Variants in AUTS2 observed in about 807,000 individuals in gnomAD.
The protein encoded by AUTS2 is autism susceptibility gene 2 protein.
A neutral mutation model predicts 112.4 loss-of-function variants in AUTS2; 17 were observed. That is an observed-to-expected ratio of 0.15 (90% CI 0.10 to 0.23). The LOEUF (loss-of-function observed/expected upper bound fraction) is 0.23, where lower values mean the gene tolerates loss of function less well. Ranked by LOEUF, AUTS2 falls within the 10% of genes least tolerant of loss-of-function variation. The pLI is 1.00. For synonymous variants in AUTS2, 751 were observed against 702.7 expected, an observed-to-expected ratio of 1.07 and a Z score of -1.09; for missense variants, 1,510 against 1,701.6, an observed-to-expected ratio of 0.89 and a Z score of 1.98.
chr7:70,758,683 T>C (rs1019681918), intron 6 of AUTS2, among the ~76,000 whole-genome samples: 2 of 152,240 alleles, frequency 1.3e-5, no homozygotes, highest in Non-Finnish European at 2.9e-5. Context: ...TACATTCTTA[T>C]GTCTTTCAAA....
intron 5 of AUTS2, among the ~76,000 whole-genome samples, chr7:70,478,998 A>T (rs1339115691): frequency 6.6e-6 from 1 of 152,114 alleles, no homozygotes; most frequent in Non-Finnish European, 1.5e-5. Flanking sequence ...TTGAATTAAG[A>T]TGAAAATGAA....
chr7:69,848,418 C>A (rs552240658), intron 1 of AUTS2, among the ~76,000 whole-genome samples: 28 of 152,284 alleles, frequency 1.8e-4, no homozygotes, highest in Middle Eastern at 3.4e-3. Context: ...ATAAAGCATT[C>A]ATCTGTTTTA....
chr7:69,787,784 G>A (rs932648362), intron 1 of AUTS2, among the ~76,000 whole-genome samples: 6 of 152,036 alleles, frequency 3.9e-5, no homozygotes, highest in African/African-American at 1.4e-4. Flanking sequence ...ATGTTGGCCA[G>A]GGCTGGTCTC....
intron 4 of AUTS2, among the ~76,000 whole-genome samples, chr7:70,246,713 T>C (rs188234516): frequency 2.0e-5 from 3 of 152,156 alleles, no homozygotes; most frequent in Admixed American, 2.0e-4. Context: ...TAGAATCAAC[T>C]CATCAAGTTT....
At chr7:69,689,988 C>T (rs535995897) in intron 1 of AUTS2, among the ~76,000 whole-genome samples, 90 of 152,088 alleles carry the variant, frequency 5.9e-4, no homozygotes, top group Middle Eastern at 3.4e-3. Flanking sequence ...CCACTGCGCC[C>T]GGCCAACTCC....
At chr7:69,832,312 A>G (rs1319565326) in intron 1 of AUTS2, among the ~76,000 whole-genome samples, 1 of 152,190 alleles carries the variant, frequency 6.6e-6, no homozygotes, top group Non-Finnish European at 1.5e-5. Flanking sequence ...GTGATTTTGA[A>G]TATGGGAATG....
chr7:70,165,184 G>T (rs1295377087), intron 4 of AUTS2, among the ~76,000 whole-genome samples: 1 of 152,076 alleles, frequency 6.6e-6, no homozygotes, highest in African/African-American at 2.4e-5. Context: ...AAAAAGAGTG[G>T]AAATAAAAAA....
In AUTS2 at chr7:70,631,135, C is replaced by T. The variant is rs887244250; in HGVS notation, c.691-67434C>T. 2.6e-5 allele frequency among the ~76,000 whole-genome samples: 4 copies of T among 152,186 alleles called. No individual in the cohort carries two copies. The highest frequency in any genetic ancestry group is 5.9e-5 in the Non-Finnish European group (4 of 68,042). On this transcript the variant is annotated intron_variant, in intron 5 of 18. Transcript: ENST00000342771. The surrounding 1 kb of genome is among the most constrained non-coding windows in gnomAD (Gnocchi z 4.5). ...AGCAACCCGCTCTGGCCCCTCGCCG[C>T]GCCATTCCTGATGACAAACTGCCAG...
chr7:70,564,471 G>A (rs1801618961), intron 5 of AUTS2, among the ~76,000 whole-genome samples: 1 of 152,206 alleles, frequency 6.6e-6, no homozygotes, highest in Non-Finnish European at 1.5e-5. Context: ...TTAGATTACA[G>A]GATACATGAT....
intron 6 of AUTS2, among the ~76,000 whole-genome samples, chr7:70,743,324 C>T (rs908464612): frequency 1.3e-5 from 2 of 152,054 alleles, no homozygotes; most frequent in African/African-American, 4.8e-5. Flanking sequence ...CAAAAATTAG[C>T]CGGGCGTGGT....
intron 6 of AUTS2, among the ~76,000 whole-genome samples, chr7:70,718,061 C>T (rs1810475886): frequency 6.6e-6 from 1 of 152,164 alleles, no homozygotes; most frequent in Non-Finnish European, 1.5e-5. Flanking sequence ...CATCACCCAC[C>T]ATTCATTCAC....
At chr7:70,031,760 A>G (rs572603186) in intron 2 of AUTS2, among the ~76,000 whole-genome samples, 20 of 152,276 alleles carry the variant, frequency 1.3e-4, no homozygotes, top group Middle Eastern at 3.4e-3. Context: ...CTGTGTATTC[A>G]TCGAGTGAAA....
intron 2 of AUTS2, among the ~76,000 whole-genome samples, chr7:70,037,336 A>C (rs1178744513): frequency 6.6e-6 from 1 of 152,214 alleles, no homozygotes; most frequent in African/African-American, 2.4e-5. Flanking sequence ...GACTATAGTG[A>C]ATCACAATGT....
At chr7:70,056,888 G>A (rs1019874504) in intron 2 of AUTS2, among the ~76,000 whole-genome samples, 2 of 152,190 alleles carry the variant, frequency 1.3e-5, no homozygotes, top group Admixed American at 6.5e-5. Context: ...GAGAATAGGG[G>A]TTAGGGCTCA....
At chr7:70,007,085 A>T (rs763715279) in intron 2 of AUTS2, among the ~76,000 whole-genome samples, 39 of 152,288 alleles carry the variant, frequency 2.6e-4, no homozygotes, top group African/African-American at 8.9e-4. Context: ...ATTTCTTCCA[A>T]TATTTTTCTT....
At chr7:70,645,986 C>T (rs929395688) in intron 5 of AUTS2, among the ~76,000 whole-genome samples, 2 of 152,150 alleles carry the variant, frequency 1.3e-5, no homozygotes, top group African/African-American at 4.8e-5. Context: ...TGCGTCTAAC[C>T]CATTTCACAC....
chr7:70,000,496 A>G (rs1797821445), intron 2 of AUTS2, among the ~76,000 whole-genome samples: 1 of 152,190 alleles, frequency 6.6e-6, no homozygotes, highest in Admixed American at 6.5e-5. Context: ...ATCCTAGTGA[A>G]AGTTAGAATA....
At chr7:69,791,499 G>A (rs959569014) in intron 1 of AUTS2, among the ~76,000 whole-genome samples, 5 of 152,196 alleles carry the variant, frequency 3.3e-5, no homozygotes, top group African/African-American at 4.8e-5. Flanking sequence ...GTGCAGTCAC[G>A]TCGTTTCATA....
chr7:69,817,527 T>C lies in AUTS2; in HGVS notation c.310-81759T>C, dbSNP rs1417270048. Among the ~76,000 whole-genome samples the C allele has an allele frequency of 2.5e-4, 38 of 152,142 alleles. 1 individual carries two copies. Among genetic ancestry groups the C allele is most frequent in the Admixed American group, 2.5e-3 (38 of 15,264 alleles). ...GAGGACTGTTCAAGACAAAATAGAT[T>C]CCAAGGTTCTGGTGTGCAGTGTTCT... On this transcript the variant is annotated intron_variant, in intron 1 of 18. Coordinates refer to ENST00000342771, the MANE Select transcript of AUTS2 (RefSeq NM_015570.4).
Sources: allele counts gnomAD v4.1 joint callset (sites outside exome capture counted in the v4.1 genomes callset), GRCh38; gene constraint gnomAD v4.1.1; non-coding constraint Gnocchi (gnomAD v3.1); transcripts MANE v1.5; gene names NCBI Gene and HGNC (gene_info 2026-07-23, HGNC 2026-07-21).